The following RIPOR2 variants were observed in gnomAD, a reference collection of about 807,000 sequenced individuals.
RIPOR2 encodes rho family-interacting cell polarization regulator 2.
In RIPOR2, 39 loss-of-function variants were observed where a neutral mutation model predicts 114.5. That is an observed-to-expected ratio of 0.34 (90% CI 0.26 to 0.44). The LOEUF is 0.44. RIPOR2 is among the 20% of genes least tolerant of loss of function. RIPOR2 has a pLI of 1.00. For missense variants in RIPOR2, 1,007 were observed against 1,255.1 expected, an observed-to-expected ratio of 0.80 and a Z score of 2.99; for synonymous variants, 445 against 484.4, an observed-to-expected ratio of 0.92 and a Z score of 1.07.
At chr6:24,968,788 G>T (rs893880203) in intron 1 of RIPOR2, among the ~76,000 whole-genome samples, 3 of 152,102 alleles carry the variant, frequency 2.0e-5, no homozygotes, top group Admixed American at 2.0e-4. Flanking sequence ...TCAGTCCCTG[G>T]CCTGCTGCTG....
At chr6:25,028,038 C>A (rs1031471752) in intron 1 of RIPOR2, among the ~76,000 whole-genome samples, 4 of 152,130 alleles carry the variant, frequency 2.6e-5, no homozygotes, top group Non-Finnish European at 5.9e-5. Flanking sequence ...TCTGAGTGGC[C>A]CCTACCACCC....
chr6:24,853,736 A>G (rs1020430845), intron 8 of RIPOR2, among the ~76,000 whole-genome samples: 2 of 152,236 alleles, frequency 1.3e-5, no homozygotes, highest in African/African-American at 4.8e-5. Flanking sequence ...TCGTTAATAC[A>G]TGGTAATGAC....
rs35638159 is a variant in RIPOR2 at position 24,819,662 on chromosome 6, A to ATTTTTTTTTTT, written c.2869-1048_2869-1038dup. On this transcript the variant is annotated intron_variant, in intron 19 of 21. Transcript: ENST00000643898. ...AGGTGCCCACCACCACGCCCAGCTAATTTTTTTTTTTTTTTTTTTTAGTGG... is the reference window on the plus strand; with the variant it reads ...AGGTGCCCACCACCACGCCCAGCTAATTTTTTTTTTTTTTTTTTTTTTTTTTTTTTTAGTGG... Among the ~76,000 whole-genome samples the ATTTTTTTTTTT allele has an allele frequency of 9.4e-4, 97 of 103,284 alleles. 2 individuals carry two copies. The highest frequency in any genetic ancestry group is 7.6e-3 in the South Asian group (18 of 2,366). 67.8% of individuals were successfully genotyped at this position (103,284 alleles called of 152,430 possible). A position where few individuals can be genotyped will look rare whatever the true frequency, so the allele number is the denominator to read the frequency against.
intron 1 of RIPOR2, among the ~76,000 whole-genome samples, chr6:24,879,318 C>A (rs1276385193): frequency 2.0e-5 from 3 of 152,172 alleles, no homozygotes; most frequent in African/African-American, 7.2e-5. Context: ...TGTACTCCAG[C>A]CTGGCGAGAG....
chr6:24,920,485 C>T lies in RIPOR2; in HGVS notation c.61+15353G>A, dbSNP rs1002911699. ...TCCCTCTGATCTTTCCTTAAATTGC[C>T]CTTTAGTGTTCTGAACAGTTTGCAT... On this transcript the variant is annotated intron_variant, in intron 1 of 21. Coordinates refer to ENST00000643898, the MANE Select transcript of RIPOR2 (RefSeq NM_001286445.3). 2.6e-5 allele frequency among the ~76,000 whole-genome samples: 4 copies of T among 152,254 alleles called. No individual in the cohort carries two copies. In the South Asian group the frequency reaches 8.3e-4, roughly 32 times the overall value.
In RIPOR2 at chr6:24,935,876, T is replaced by C. The variant is rs1273638527; in HGVS notation, c.23A>G (p.Glu8Gly). 12 of 1,535,422 alleles carry C rather than the reference T, an allele frequency of 7.8e-6. No individual in the cohort carries two copies. In the South Asian group the frequency reaches 1.1e-4, roughly 14 times the overall value. Residue 8 changes from glutamate (E) to glycine (G), a missense_variant, in exon 1 of 22, where the codon GAG becomes GGG. Physicochemically the swap from Glu to Gly is moderately conservative, Grantham distance 98 (BLOSUM62 -2). Coordinates refer to ENST00000643898, the MANE Select transcript of RIPOR2 (RefSeq NM_001286445.3). Reference sequence around the variant, plus strand: ...ATCATCCTCTTCATCGACCAGGAGCTCCTCAGCATCAAAAAACTGCATCTT... The same window carrying C: ...ATCATCCTCTTCATCGACCAGGAGCCCCTCAGCATCAAAAAACTGCATCTT... The part of the protein sequence containing the change: MQFFDAE[E>G]LLVDEEDDVF...
chr6:24,866,835 G>A (rs952824408), intron 6 of RIPOR2, among the ~76,000 whole-genome samples: 28 of 152,082 alleles, frequency 1.8e-4, no homozygotes, highest in African/African-American at 5.8e-4. Context: ...AGCACTATTT[G>A]AATTTTCATT....
At chr6:24,875,999 A>G (rs970179729) in intron 1 of RIPOR2, among the ~76,000 whole-genome samples, 182 bp from the exon 2 acceptor site, 16 of 152,110 alleles carry the variant, frequency 1.1e-4, no homozygotes, top group Non-Finnish European at 2.4e-4. Context: ...TAAAAAAGAT[A>G]CCCATCTATG....
intron 1 of RIPOR2, among the ~76,000 whole-genome samples, chr6:24,958,301 T>G (rs559856356): frequency 6.6e-6 from 1 of 152,312 alleles, no homozygotes; most frequent in East Asian, 1.9e-4. Context: ...GAAAATGATC[T>G]AAGGAAGGAT....
At chr6:24,820,261 G>C (rs540058276) in intron 19 of RIPOR2, among the ~76,000 whole-genome samples, 6 of 152,118 alleles carry the variant, frequency 3.9e-5, no homozygotes, top group Non-Finnish European at 8.8e-5. Context: ...TCAAACTCCT[G>C]ACCTTGTGAT....
At chr6:24,910,875 A>G (rs1753173867) in intron 1 of RIPOR2, 2 of 985,388 alleles carry the variant, frequency 2.0e-6, no homozygotes, top group Non-Finnish European at 2.4e-6. Flanking sequence ...CTGGCATATA[A>G]AAGCCTCCGC....
chr6:24,895,140 C>A (rs1383368035), intron 1 of RIPOR2, among the ~76,000 whole-genome samples: 10 of 152,116 alleles, frequency 6.6e-5, no homozygotes, highest in Admixed American at 5.9e-4. Flanking sequence ...GCAACCTCCG[C>A]CTTCCAGGTT....
At chr6:24,976,741 G>A (rs1320912290) in intron 1 of RIPOR2, 2 of 1,610,726 alleles carry the variant, frequency 1.2e-6, no homozygotes, top group East Asian at 4.5e-5. Context: ...TTGAAGATGA[G>A]AACTTCATCC....
Position 24,829,821 on chromosome 6 carries a change from T to G in RIPOR2, c.2506+688A>C, listed in dbSNP as rs904042485. ...TTTACATATTTAGGAATGAATGTGCTGGATCCAACGGTAGGGGGTATATTG... is the reference window on the plus strand; with the variant it reads ...TTTACATATTTAGGAATGAATGTGCGGGATCCAACGGTAGGGGGTATATTG... On this transcript the variant is annotated intron_variant, in intron 17 of 21. Transcript: ENST00000643898. 2.0e-5 allele frequency among the ~76,000 whole-genome samples: 3 copies of G among 152,204 alleles called. No individual in the cohort carries two copies. The East Asian group carries it at 5.8e-4, about 29-fold the overall frequency.
intron 1 of RIPOR2, among the ~76,000 whole-genome samples, chr6:24,906,610 T>C (rs1438033005): frequency 6.6e-6 from 1 of 152,094 alleles, no homozygotes; most frequent in African/African-American, 2.4e-5. Context: ...TCCACCAGAC[T>C]GTGCTCCCTA....
chr6:25,025,924 G>A (rs1343826632), intron 1 of RIPOR2, among the ~76,000 whole-genome samples: 3 of 152,170 alleles, frequency 2.0e-5, no homozygotes, highest in African/African-American at 4.8e-5. Context: ...GCTTCTTCAC[G>A]ACTCCAAGGG....
chr6:24,843,702 T>C (rs1761975537), intron 12 of RIPOR2, 148 bp from the exon 13 acceptor site: 4 of 62,446 alleles, frequency 6.4e-5, no homozygotes, highest in South Asian at 2.3e-4. Context: ...TGATGCCGTG[T>C]GTGTGTGTGT....
chr6:25,036,812 A>G (rs1315633295), intron 1 of RIPOR2, among the ~76,000 whole-genome samples: 1 of 152,192 alleles, frequency 6.6e-6, no homozygotes, highest in African/African-American at 2.4e-5. Flanking sequence ...CCATTTTCCC[A>G]GAAGAACAGG....
At chr6:24,979,282 T>TC (rs1774196100) in intron 1 of RIPOR2, among the ~76,000 whole-genome samples, 1 of 127,350 alleles carries the variant, frequency 7.9e-6, no homozygotes, top group South Asian at 2.6e-4. Context: ...ATAGGGAAAT[T>TC]CTTTTTTTTT....
Sources: allele counts gnomAD v4.1 joint callset (sites outside exome capture counted in the v4.1 genomes callset), GRCh38; gene constraint gnomAD v4.1.1; transcripts MANE v1.5; gene names NCBI Gene and HGNC (gene_info 2026-07-23, HGNC 2026-07-21).